ITPA: variants seen among roughly 807,000 people sequenced by gnomAD.
The protein encoded by ITPA is inosine triphosphatase, also known as inosine triphosphate pyrophosphatase.
A neutral mutation model predicts 29.6 loss-of-function variants in ITPA; 29 were observed. The observed-to-expected ratio is 0.98, with a 90% CI of 0.73 to 1.34. The LOEUF (loss-of-function observed/expected upper bound fraction) is 1.34, where lower values mean the gene tolerates loss of function less well. Ranked by LOEUF, ITPA falls within the 40% of genes most tolerant of loss-of-function variation. The pLI is 0.00. For synonymous variants in ITPA, 103 were observed against 99.3 expected (o/e 1.04, Z -0.22); for missense variants, 241 against 251.5 (o/e 0.96, Z 0.28).
intron 5 of ITPA, among the ~76,000 whole-genome samples, chr20:3,216,163 T>TG (rs2067292779): frequency 1.4e-5 from 2 of 147,996 alleles, no homozygotes; most frequent in African/African-American, 5.1e-5. Context: ...CTAAGTTTTT[T>TG]TTTTTTTTTT....
upstream of ITPA, among the ~76,000 whole-genome samples, chr20:3,207,746 C>T (rs1198888482): frequency 7.0e-6 from 1 of 142,928 alleles, no homozygotes; most frequent in Admixed American, 7.1e-5. Flanking sequence ...CCTGTAATCC[C>T]AGCACTTAGG....
At chr20:3,217,905 G>GTTTTT (rs372604621) in intron 5 of ITPA, among the ~76,000 whole-genome samples, 1 of 146,220 alleles carries the variant, frequency 6.8e-6, no homozygotes. Flanking sequence ...AGTTTTTGTG[G>GTTTTT]GTTTTTTTTT....
intron 1 of ITPA, among the ~76,000 whole-genome samples, chr20:3,211,891 T>A (rs2067184501): frequency 6.6e-6 from 1 of 152,148 alleles, no homozygotes. Flanking sequence ...ATAAAATACA[T>A]GGTATTATAG....
upstream of ITPA, chr20:3,204,723 C>A: frequency 8.2e-7 from 1 of 1,225,670 alleles, no homozygotes; most frequent in South Asian, 1.4e-5. Context: ...GCCCACTACT[C>A]GGAGCCCCGC....
chr20:3,204,611 C>T (rs768208649), upstream of ITPA: 30 of 1,589,598 alleles, frequency 1.9e-5, no homozygotes, highest in South Asian at 3.4e-4. Flanking sequence ...TACCAAGTAC[C>T]ACACAGGCGC....
chr20:3,213,229 A>G lies in ITPA; in HGVS notation c.124+3A>G, dbSNP rs1307471527. ...TTTGGTGGCACAGAAAATTGACCGT[A>G]TGTCTCTGTTTTGTTTTATTTTTAA... On this transcript the variant is annotated splice_donor_region_variant and intron_variant, in intron 2 of 7. Coordinates refer to ENST00000380113, the MANE Select transcript of ITPA (RefSeq NM_033453.4). The G allele has an allele frequency of 1.2e-6, 2 of 1,614,134 alleles. No homozygotes were observed. Among genetic ancestry groups the G allele is most frequent in the African/African-American group, 1.3e-5 (1 of 75,050 alleles).
At chr20:3,213,603 G>A (rs754811147) in intron 3 of ITPA, among the ~76,000 whole-genome samples, 3 of 151,984 alleles carry the variant, frequency 2.0e-5, no homozygotes, top group Non-Finnish European at 4.4e-5. Context: ...ACACTCCCAC[G>A]TACACACAGA....
intron 3 of ITPA, 65 bp from the exon 4 acceptor site, chr20:3,213,920 G>A: frequency 6.5e-7 from 1 of 1,527,928 alleles, no homozygotes; most frequent in Non-Finnish European, 9.1e-7. Context: ...TGACGCGGGT[G>A]ACCTGGACGT....
At chr20:3,204,805 A>G (rs2067059558), upstream of ITPA, 1 of 591,114 alleles carries the variant, frequency 1.7e-6, no homozygotes, top group South Asian at 2.1e-5. Flanking sequence ...AGAAACCCAC[A>G]ATGTTAAGAG....
intron 3 of ITPA, 43 bp from the exon 4 acceptor site, chr20:3,213,942 A>T (rs1232881081): frequency 6.2e-7 from 1 of 1,603,154 alleles, no homozygotes; most frequent in Non-Finnish European, 8.5e-7. Flanking sequence ...CCAGGTGGGG[A>T]TGGTGATCAT....
chr20:3,214,585 T>A (rs948508643), intron 4 of ITPA, among the ~76,000 whole-genome samples: 1 of 151,538 alleles, frequency 6.6e-6, no homozygotes, highest in African/African-American at 2.4e-5. Context: ...TTATTTTATT[T>A]TATTTTATTT....
At chr20:3,218,716 G>C (rs1302138164) in intron 6 of ITPA, 84 bp downstream of exon 6, 1 of 1,087,608 alleles carries the variant, frequency 9.2e-7, no homozygotes, top group African/African-American at 1.5e-5. Flanking sequence ...GTCTGCGGGA[G>C]GGTGGTGGGA....
chr20:3,225,283 G>A (rs965975143), downstream of ITPA, among the ~76,000 whole-genome samples: 8 of 152,154 alleles, frequency 5.3e-5, no homozygotes, highest in African/African-American at 1.7e-4. Flanking sequence ...CCACACTGAT[G>A]TCTTTTTGTG....
chr20:3,220,697 A>G (rs1390405514), intron 6 of ITPA, among the ~76,000 whole-genome samples: 45 of 149,854 alleles, frequency 3.0e-4, no homozygotes, highest in Non-Finnish European at 5.5e-4. Context: ...CTCAGGTGTG[A>G]GCTACCACAT....
downstream of ITPA, among the ~76,000 whole-genome samples, chr20:3,226,195 G>A (rs926311625): frequency 5.9e-5 from 9 of 152,154 alleles, no homozygotes; most frequent in Admixed American, 3.9e-4. This position sits in a 1 kb window ranked among gnomAD's most constrained non-coding sequence, Gnocchi z 4.4. Context: ...GGGTGGTCTC[G>A]TGGGACTGAG....
intron 7 of ITPA, among the ~76,000 whole-genome samples, chr20:3,222,541 C>G (rs1463730504): frequency 6.6e-6 from 1 of 152,196 alleles, no homozygotes; most frequent in Non-Finnish European, 1.5e-5. Context: ...CATTTTCTGA[C>G]CCCCATCTAG....
In ITPA at chr20:3,223,795, A is replaced by C; in HGVS notation, c.*333A>C. On this transcript the variant is annotated 3_prime_UTR_variant, in exon 8 of 8. Coordinates refer to ENST00000380113, the MANE Select transcript of ITPA (RefSeq NM_033453.4). ...TGCAAATCGCCTTCCATGGTTTTTA[A>C]ATGCAGTAAATAACATTTCTGGATG... 2.6e-6 allele frequency: 1 copy of C among 378,002 alleles called. No homozygotes were observed. The highest frequency in any genetic ancestry group is 2.9e-5 in the South Asian group (1 of 34,832). 23.4% of individuals were successfully genotyped at this position (378,002 alleles called of 1,614,324 possible). A position where few individuals can be genotyped will look rare whatever the true frequency, so the allele number is the denominator to read the frequency against.
chr20:3,217,889 T>C (rs1456096015), intron 5 of ITPA, among the ~76,000 whole-genome samples: 1 of 151,624 alleles, frequency 6.6e-6, no homozygotes, highest in Non-Finnish European at 1.5e-5. Context: ...CCTATTACAG[T>C]TGGTTAGTTT....
Position 3,221,906 on chromosome 20 carries a change from A to T in ITPA, c.477A>T (p.Gly159=), listed in dbSNP as rs1301953959. The T allele has an allele frequency of 3.1e-6, 5 of 1,613,866 alleles. No individual in the cohort carries two copies. Among genetic ancestry groups the T allele is most frequent in the Non-Finnish European group, 4.2e-6 (5 of 1,179,968 alleles). The part of the protein sequence containing the change: ...FGWDPCFQPD[G]YEQTYAEMPK... ...GGGACCCCTGCTTTCAGCCTGATGG[A>T]TATGAGCAGACGTAAGGAGCCCTGC... is the stretch of plus-strand genomic sequence containing the variant. Residue 159 remains glycine (G), a synonymous_variant, in exon 7 of 8, where the codon GGA becomes GGT. Coordinates refer to ENST00000380113, the MANE Select transcript of ITPA (RefSeq NM_033453.4).
Sources: gnomAD v4.1 joint callset for allele counts (sites outside exome capture counted in the v4.1 genomes callset) on GRCh38, gnomAD v4.1.1 for gene constraint, Gnocchi (gnomAD v3.1) non-coding constraint, MANE v1.5 for transcripts, NCBI Gene and HGNC (gene_info 2026-07-23, HGNC 2026-07-21) for gene names.